HTT: variants seen among roughly 807,000 people sequenced by gnomAD.
HTT encodes the protein huntington disease protein.
A neutral mutation model predicts 362.3 loss-of-function variants in HTT; 104 were observed. The ratio of observed to expected loss-of-function variants is 0.29; its 90% CI spans 0.24 to 0.34. The LOEUF (loss-of-function observed/expected upper bound fraction) is 0.34. HTT is among the 10% of genes least tolerant of loss of function. The probability of loss-of-function intolerance (pLI) is 1.00; values close to 1 mark genes in which losing one functional copy is unlikely to be tolerated. For synonymous variants in HTT, 1,577 were observed against 1,548.7 expected (o/e 1.02, Z -0.43); for missense variants, 3,301 against 3,928.6 (o/e 0.84, Z 4.27).
At chr4:3,227,981 C>G (rs1721000158) in intron 57 of HTT, among the ~76,000 whole-genome samples, 1 of 152,226 alleles carries the variant, frequency 6.6e-6, no homozygotes, top group Non-Finnish European at 1.5e-5. Flanking sequence ...TCCTCGCCCA[C>G]TCCCTGCAGG....
intron 2 of HTT, among the ~76,000 whole-genome samples, chr4:3,091,923 G>A (rs1484999482): frequency 6.6e-6 from 1 of 152,210 alleles, no homozygotes; most frequent in Non-Finnish European, 1.5e-5. Flanking sequence ...CCCTAGGAAA[G>A]TGTGTAATGA....
At chr4:3,121,941 C>T (rs1715315937) in intron 9 of HTT, among the ~76,000 whole-genome samples, 1 of 152,218 alleles carries the variant, frequency 6.6e-6, no homozygotes. Flanking sequence ...TTTAAAGCCC[C>T]TCCTCCTGAT....
At chr4:3,104,245 C>G (rs917877766) in intron 4 of HTT, among the ~76,000 whole-genome samples, 40 of 152,086 alleles carry the variant, frequency 2.6e-4, no homozygotes, top group African/African-American at 9.1e-4. Flanking sequence ...GTGATCCGCC[C>G]GCCTCGGCCT....
At position 3,215,325 on chromosome 4, in the gene HTT, G is replaced by T. The variant is rs79962089; in HGVS notation, c.7054+114G>T. On this transcript the variant is annotated intron_variant, in intron 51 of 66. Coordinates refer to ENST00000355072, the MANE Select transcript of HTT (RefSeq NM_001388492.1). The stretch of plus-strand genomic sequence containing the variant: ...ACTCCTGGAAGCGCACCGTAGCTCC[G>T]CTGTGTCCTGCTGCTCCTCCCTAGC... The T allele has an allele frequency of 2.4e-3, 1,639 of 676,166 alleles. 14 individuals carry two copies. The highest frequency in any genetic ancestry group is 0.023 in the African/African-American group (1,269 of 55,786). 41.9% of individuals were successfully genotyped at this position (676,166 alleles called of 1,614,324 possible).
Position 3,130,443 on chromosome 4 carries a change from G to C in HTT, c.1986+20G>C, listed in dbSNP as rs192362533. 77 of 1,344,768 alleles carry C rather than the reference G, an allele frequency of 5.7e-5. No homozygotes were observed. In the Admixed American group the frequency reaches 1.4e-3, roughly 25 times the overall value. 83.3% of individuals were successfully genotyped at this position (1,344,768 alleles called of 1,614,324 possible). On this transcript the variant is annotated intron_variant, in intron 14 of 66. Coordinates refer to ENST00000355072, the MANE Select transcript of HTT (RefSeq NM_001388492.1). ...AACAAGGTGAGGGACATAGGCTTGA[G>C]ACGACTTGGTGTTTCTGAGCTTGTG...
At chr4:3,127,059 T>C (rs974790595) in intron 11 of HTT, among the ~76,000 whole-genome samples, 4 of 152,196 alleles carry the variant, frequency 2.6e-5, no homozygotes, top group Non-Finnish European at 4.4e-5. Context: ...TGATAAGCCT[T>C]ATTTTATAAG....
intron 59 of HTT, among the ~76,000 whole-genome samples, chr4:3,229,330 C>A (rs1389914065): frequency 1.4e-5 from 2 of 141,138 alleles, no homozygotes; most frequent in Non-Finnish European, 3.1e-5. Context: ...ACCACACACA[C>A]CACATGCACC....
At chr4:3,179,204 G>C (rs529052072) in intron 35 of HTT, among the ~76,000 whole-genome samples, 1 of 152,168 alleles carries the variant, frequency 6.6e-6, no homozygotes. Flanking sequence ...GCTGTGTTGC[G>C]AGGCAGGGCC....
intron 24 of HTT, among the ~76,000 whole-genome samples, chr4:3,145,527 TC>T (rs573401730): frequency 1.4e-3 from 208 of 152,362 alleles, no homozygotes; most frequent in African/African-American, 4.7e-3. Flanking sequence ...CTTGACTCTT[TC>T]CAAAATTATT....
chr4:3,160,625 C>T (rs1717394753), intron 29 of HTT, among the ~76,000 whole-genome samples: 1 of 152,100 alleles, frequency 6.6e-6, no homozygotes, highest in South Asian at 2.1e-4. Context: ...TTAGCTTAGA[C>T]CCAGTTTAGT....
intron 40 of HTT, among the ~76,000 whole-genome samples, chr4:3,194,814 G>A (rs954260984): frequency 6.6e-6 from 1 of 152,158 alleles, no homozygotes; most frequent in African/African-American, 2.4e-5. Context: ...AGAGAAAGTG[G>A]TCCTTTCTAT....
In HTT at chr4:3,228,441, T is replaced by C. The variant is rs1306182219; in HGVS notation, c.7849-174T>C. On this transcript the variant is annotated intron_variant, in intron 57 of 66. Transcript: ENST00000355072. This position sits in a 1 kb window ranked among gnomAD's most constrained non-coding sequence, Gnocchi z 4.3. The stretch of plus-strand genomic sequence containing the variant: ...AGCTTCCCAGCAGCTGTCCAGCCCC[T>C]GCCCCACCCTCTCTGTGGGCTCCCT... Among the ~76,000 whole-genome samples, 2 of 152,188 alleles carry C rather than the reference T, an allele frequency of 1.3e-5. No individual in the cohort carries two copies. Among genetic ancestry groups the C allele is most frequent in the Non-Finnish European group, 1.5e-5 (1 of 68,020 alleles).
chr4:3,207,418 A>G, intron 45 of HTT, 61 bp downstream of exon 45: 1 of 1,335,852 alleles, frequency 7.5e-7, no homozygotes, highest in Non-Finnish European at 1.1e-6. Context: ...AAGGATATAG[A>G]TTTGTACGGG....
Position 3,233,138 on chromosome 4 carries a change from G to A in HTT, c.8266-25G>A, listed in dbSNP as rs563743810. ...GGGACGTGAGCTCTGGTGGCATGCA[G>A]CAGCTTTTGTCTGTGTGTGCCTAGG... On this transcript the variant is annotated intron_variant, in intron 60 of 66. Transcript: ENST00000355072. 1.0e-5 allele frequency: 16 copies of A among 1,558,024 alleles called. No individual in the cohort carries two copies. The South Asian group carries it at 1.9e-4, about 18-fold the overall frequency.
intron 6 of HTT, among the ~76,000 whole-genome samples, chr4:3,112,550 T>C (rs1178660344): frequency 6.6e-6 from 1 of 152,266 alleles, no homozygotes; most frequent in East Asian, 1.9e-4. Flanking sequence ...TTGGTCGACA[T>C]TAAGTTCATG....
At chr4:3,213,859 C>T in intron 49 of HTT, 99 bp from the exon 50 acceptor site, 4 of 1,092,970 alleles carry the variant, frequency 3.7e-6, no homozygotes, top group Non-Finnish European at 5.0e-6. Context: ...GGACGCGCTG[C>T]CCCTCAGTGC....
At chr4:3,219,681 G>T (rs780059127) in intron 52 of HTT, among the ~76,000 whole-genome samples, 14 of 152,318 alleles carry the variant, frequency 9.2e-5, no homozygotes, top group Middle Eastern at 3.4e-3. Context: ...CCTGCCACTT[G>T]AACAGCATCA....
intron 60 of HTT, among the ~76,000 whole-genome samples, chr4:3,230,643 G>C (rs1432215410): frequency 6.6e-6 from 1 of 152,142 alleles, no homozygotes; most frequent in Non-Finnish European, 1.5e-5. Flanking sequence ...CCGTTCTGGG[G>C]GCTGGAAGTT....
chr4:3,207,598 G>A (rs1397541049), intron 45 of HTT, among the ~76,000 whole-genome samples: 2 of 152,220 alleles, frequency 1.3e-5, no homozygotes, highest in African/African-American at 2.4e-5. Context: ...TGCACTCCTG[G>A]TGGCTGTTTG....
Sources: gnomAD v4.1 joint callset for allele counts (sites outside exome capture counted in the v4.1 genomes callset) on GRCh38, gnomAD v4.1.1 for gene constraint, Gnocchi (gnomAD v3.1) non-coding constraint, MANE v1.5 for transcripts, NCBI Gene and HGNC (gene_info 2026-07-23, HGNC 2026-07-21) for gene names.